The following CA8 variants were observed in gnomAD, a reference collection of about 807,000 sequenced individuals.
The protein encoded by CA8 is carbonic anhydrase-related protein.
In CA8, 22 loss-of-function variants were observed where a neutral mutation model predicts 41.4. The observed-to-expected ratio is 0.53, with a 90% confidence interval of 0.38 to 0.76. The LOEUF is 0.76. Ranked by LOEUF, CA8 falls within the 30% of genes least tolerant of loss-of-function variation. CA8 has a pLI of 0.00. For synonymous variants in CA8, 121 were observed against 130.6 expected (o/e 0.93, Z 0.50); for missense variants, 270 against 352.8 (o/e 0.77, Z 1.88).
chr8:60,259,489 A>AATATAAAAT (rs1409111834), intron 3 of CA8, among the ~76,000 whole-genome samples: 1 of 152,174 alleles, frequency 6.6e-6, no homozygotes, highest in Non-Finnish European at 1.5e-5. Flanking sequence ...AATACTAACA[A>AATATAAAAT]ATATAAAATC....
At chr8:60,208,650 G>A (rs963661689) in intron 8 of CA8, 100 bp downstream of exon 8, 24 of 1,018,960 alleles carry the variant, frequency 2.4e-5, no homozygotes, top group Middle Eastern at 2.1e-4. Context: ...AAGTACATAC[G>A]CTTTTATTAC....
At position 60,189,612 on chromosome 8, in the gene CA8, T is replaced by C. The variant is rs983389097; in HGVS notation, c.*409A>G. On this transcript the variant is annotated 3_prime_UTR_variant, in exon 9 of 9. Coordinates refer to ENST00000317995, the MANE Select transcript of CA8 (RefSeq NM_004056.6). Reference sequence around the variant, plus strand: ...CTAGTTCTAAAATGAGTGAATTTTCTGTTGGAGACAGGAAATGAAGAACTA... The same window carrying C: ...CTAGTTCTAAAATGAGTGAATTTTCCGTTGGAGACAGGAAATGAAGAACTA... 7.2e-5 allele frequency: 11 copies of C among 152,314 alleles called. No homozygotes were observed. The highest frequency in any genetic ancestry group is 2.4e-4 in the African/African-American group (10 of 41,444). 9.4% of individuals were successfully genotyped at this position (152,314 alleles called of 1,614,324 possible). A position where few individuals can be genotyped will look rare whatever the true frequency, so the allele number is the denominator to read the frequency against.
At chr8:60,255,248 C>T (rs1808588469) in intron 3 of CA8, among the ~76,000 whole-genome samples, 1 of 152,018 alleles carries the variant, frequency 6.6e-6, no homozygotes, top group Non-Finnish European at 1.5e-5. Flanking sequence ...CCCCCAGCCC[C>T]CCACCGCCCT....
chr8:60,275,989 G>A (rs1585939064), intron 2 of CA8, among the ~76,000 whole-genome samples: 1 of 152,154 alleles, frequency 6.6e-6, no homozygotes, highest in South Asian at 2.1e-4. Context: ...GCCGCTCCAG[G>A]CTAACTCCAA....
intron 7 of CA8, among the ~76,000 whole-genome samples, chr8:60,218,512 A>G (rs1234884880): frequency 6.6e-6 from 1 of 152,116 alleles, no homozygotes; most frequent in East Asian, 1.9e-4. Flanking sequence ...GCAATTTCAC[A>G]TGCTAAAAAC....
intron 2 of CA8, among the ~76,000 whole-genome samples, chr8:60,274,352 G>A (rs1563385647): frequency 6.6e-6 from 1 of 152,174 alleles, no homozygotes; most frequent in South Asian, 2.1e-4. Context: ...AATAATGGGC[G>A]GCGGTAGGGG....
At chr8:60,255,990 C>T (rs2130564163) in intron 3 of CA8, among the ~76,000 whole-genome samples, 1 of 151,108 alleles carries the variant, frequency 6.6e-6, no homozygotes, top group East Asian at 1.9e-4. Context: ...GCCACTACAA[C>T]CTCCGCCTCC....
At chr8:60,274,238 A>T (rs1272798250) in intron 2 of CA8, among the ~76,000 whole-genome samples, 2 of 152,048 alleles carry the variant, frequency 1.3e-5, no homozygotes, top group African/African-American at 4.8e-5. Context: ...TACTCAAAAC[A>T]TTTATCTGCC....
chr8:60,197,993 A>G (rs1160937164), intron 8 of CA8, among the ~76,000 whole-genome samples: 1 of 152,230 alleles, frequency 6.6e-6, no homozygotes, highest in Non-Finnish European at 1.5e-5. Context: ...ATGTTATGAA[A>G]AAATGAAAAC....
In CA8 at chr8:60,279,851, C is replaced by A; in HGVS notation, c.130G>T (p.Ala44Ser). Residue 44 changes from alanine (A) to serine (S), a missense_variant, in exon 2 of 9, where the codon GCT (alanine) becomes TCT (serine). Coordinates refer to ENST00000317995, the MANE Select transcript of CA8 (RefSeq NM_004056.6). ...GVEWGLVFPDANGEYQSPINL... is the reference protein window; with the variant it reads ...GVEWGLVFPDSNGEYQSPINL... ...ATAGGAGACTGGTATTCCCCATTAG[C>A]ATCAGGAAACACCAGACCCCACTCA... 1 of 1,613,372 alleles carries A rather than the reference C, an allele frequency of 6.2e-7. No homozygotes were observed.
intron 7 of CA8, among the ~76,000 whole-genome samples, chr8:60,222,247 C>A (rs1299993260): frequency 6.6e-6 from 1 of 152,188 alleles, no homozygotes; most frequent in East Asian, 1.9e-4. Flanking sequence ...TCACCCCGCA[C>A]ATGCAGAATT....
At chr8:60,231,611 T>C (rs1449831216) in intron 4 of CA8, among the ~76,000 whole-genome samples, 1 of 152,194 alleles carries the variant, frequency 6.6e-6, no homozygotes, top group South Asian at 2.1e-4. Flanking sequence ...AAAGCTAAAA[T>C]TTCCAGATAC....
intron 3 of CA8, among the ~76,000 whole-genome samples, chr8:60,260,170 T>C (rs1803683376): frequency 6.6e-6 from 1 of 152,196 alleles, no homozygotes; most frequent in African/African-American, 2.4e-5. Flanking sequence ...AGTCAGTTCA[T>C]GGGCCATTTC....
rs999538455 is a variant in CA8 at position 60,189,434 on chromosome 8, A to G, written c.*587T>C. 6.6e-6 allele frequency: 1 copy of G among 152,172 alleles called. No individual in the cohort carries two copies. The highest frequency in any genetic ancestry group is 1.5e-5 in the Non-Finnish European group (1 of 68,018). 9.4% of individuals were successfully genotyped at this position (152,172 alleles called of 1,614,324 possible). A position where few individuals can be genotyped will look rare whatever the true frequency, so the allele number is the denominator to read the frequency against. On this transcript the variant is annotated 3_prime_UTR_variant, in exon 9 of 9. Coordinates refer to ENST00000317995, the MANE Select transcript of CA8 (RefSeq NM_004056.6). Reference sequence around the variant, plus strand: ...TATTATGTTGCTGCATTAATGCCAAAAAATGTTTCCCATGGCAATCCAGCC... The same window carrying G: ...TATTATGTTGCTGCATTAATGCCAAGAAATGTTTCCCATGGCAATCCAGCC...
intron 3 of CA8, among the ~76,000 whole-genome samples, chr8:60,242,969 GC>G (rs1445388832): frequency 1.3e-5 from 2 of 152,178 alleles, no homozygotes; most frequent in African/African-American, 4.8e-5. Flanking sequence ...AACTAATAAT[GC>G]ATTCCATTAT....
At chr8:60,278,664 C>A (rs930654775) in intron 2 of CA8, among the ~76,000 whole-genome samples, 1 of 152,186 alleles carries the variant, frequency 6.6e-6, no homozygotes, top group Admixed American at 6.5e-5. Context: ...TGCTCACATG[C>A]TGACTAAACT....
At chr8:60,196,352 A>G (rs1188721554) in intron 8 of CA8, among the ~76,000 whole-genome samples, 1 of 152,176 alleles carries the variant, frequency 6.6e-6, no homozygotes, top group Non-Finnish European at 1.5e-5. Flanking sequence ...CTGGGAGGTT[A>G]TAACTCTTAC....
chr8:60,185,453 A>T lies in CA8; in HGVS notation c.*4568T>A, dbSNP rs1353122175. Among the ~76,000 whole-genome samples, 1 of 152,076 alleles carries T rather than the reference A, an allele frequency of 6.6e-6. No homozygotes were observed. On this transcript the variant is annotated 3_prime_UTR_variant, in exon 9 of 9. Transcript: ENST00000317995. ...CCAAATTTAATATTTTTCTTAAAAAAAATCATTCATCTACATACCCAAGAA... is the reference window on the plus strand; with the variant it reads ...CCAAATTTAATATTTTTCTTAAAAATAATCATTCATCTACATACCCAAGAA...
intron 7 of CA8, among the ~76,000 whole-genome samples, chr8:60,215,358 T>TACATAC (rs1806981358): frequency 6.9e-6 from 1 of 144,102 alleles, no homozygotes; most frequent in Non-Finnish European, 1.5e-5. Flanking sequence ...TGTGTGTGTA[T>TACATAC]ACACACACAC....
Sources: gnomAD v4.1 joint callset for allele counts (sites outside exome capture counted in the v4.1 genomes callset) on GRCh38, gnomAD v4.1.1 for gene constraint, MANE v1.5 for transcripts, NCBI Gene and HGNC (gene_info 2026-07-23, HGNC 2026-07-21) for gene names.